KCNU1: variants seen among roughly 807,000 people sequenced by gnomAD.
The protein encoded by KCNU1 is potassium channel subfamily U member 1.
KCNU1 carries 93 observed loss-of-function variants against 126.8 expected under a neutral mutation model. That is an observed-to-expected ratio of 0.73 (90% CI 0.62 to 0.87). The LOEUF is 0.87. Among genes scored for constraint, KCNU1 ranks in the 40% least tolerant of loss-of-function variants. KCNU1 has a pLI of 0.00. For synonymous variants in KCNU1, 523 were observed against 494.2 expected (o/e 1.06, Z -0.77); for missense variants, 1,330 against 1,367.1 (o/e 0.97, Z 0.43).
At chr8:36,929,169 G>A (rs1808621878) in intron 24 of KCNU1, 2 of 533,892 alleles carry the variant, frequency 3.7e-6, no homozygotes, top group South Asian at 4.8e-5. Flanking sequence ...ATCTCTTGAG[G>A]TCAGGAGTTT....
At chr8:36,912,729 T>C (rs1334666807) in intron 22 of KCNU1, among the ~76,000 whole-genome samples, 1 of 151,938 alleles carries the variant, frequency 6.6e-6, no homozygotes, top group Non-Finnish European at 1.5e-5. Flanking sequence ...CCCAGCACTT[T>C]GGGAGGCCGA....
At chr8:36,788,371 G>T (rs1435643789) in intron 2 of KCNU1, among the ~76,000 whole-genome samples, 1 of 152,078 alleles carries the variant, frequency 6.6e-6, no homozygotes. Context: ...ATTTCCCATT[G>T]TCAGGAAATA....
intron 20 of KCNU1, among the ~76,000 whole-genome samples, chr8:36,908,972 A>C (rs1406339197): frequency 6.6e-6 from 1 of 152,200 alleles, no homozygotes; most frequent in Non-Finnish European, 1.5e-5. Context: ...AAGGCTAAAA[A>C]TGTGAAATAA....
intron 19 of KCNU1, among the ~76,000 whole-genome samples, chr8:36,892,546 A>AT (rs1807009545): frequency 7.7e-6 from 1 of 130,552 alleles, no homozygotes; most frequent in African/African-American, 2.9e-5. Context: ...GTGTCTCATA[A>AT]TTTTTTGTTG....
rs111355371 is a variant in KCNU1, at chr8:36,826,241, G to T, written c.1107-7313G>T. Reference sequence around the variant, plus strand: ...ATTTTATTTTTTGAGACAGGGTCTTGCTCTGTCACCCAGGCTGGAGCGCAG... The same window carrying T: ...ATTTTATTTTTTGAGACAGGGTCTTTCTCTGTCACCCAGGCTGGAGCGCAG... On this transcript the variant is annotated intron_variant, in intron 10 of 26. Transcript: ENST00000399881. Among the ~76,000 whole-genome samples, 344 of 151,368 alleles carry T rather than the reference G, an allele frequency of 2.3e-3. 11 individuals are homozygous for T. The highest frequency in any genetic ancestry group is 7.9e-3 in the African/African-American group (328 of 41,306).
intron 2 of KCNU1, among the ~76,000 whole-genome samples, chr8:36,802,108 C>CA (rs749026223): frequency 0.029 from 2,057 of 70,178 alleles, 80 homozygotes; most frequent in East Asian, 0.25. Flanking sequence ...AACTCCGTCT[C>CA]AAAAAAAAAA....
At chr8:36,787,476 G>A (rs375397817) in intron 2 of KCNU1, 51 bp downstream of exon 2, 3 of 1,543,558 alleles carry the variant, frequency 1.9e-6, no homozygotes, top group African/African-American at 2.7e-5. Flanking sequence ...CCATAGGTGT[G>A]ATTATAGTCA....
intron 2 of KCNU1, among the ~76,000 whole-genome samples, chr8:36,799,463 G>A (rs768992616): frequency 8.6e-5 from 13 of 150,920 alleles, no homozygotes; most frequent in Admixed American, 3.3e-4. Context: ...TTGGGAGGGG[G>A]GGCAGGGTAG....
rs1807597708 is a variant in KCNU1 at position 36,905,709 on chromosome 8, A to T, written c.2011A>T (p.Thr671Ser). The T allele has an allele frequency of 6.5e-7, 1 of 1,549,410 alleles. No homozygotes were observed. The highest frequency in any genetic ancestry group is 1.1e-5 in the South Asian group (1 of 89,834). ...TSSISNFTTR[T>S]LQHDVEQDSD... ...TAACTCTCCATTCTTCCTATTTAGG[A>T]CTCTTCAACATGATGTAGAACAAGA... Residue 671 changes from threonine to serine, a missense_variant and splice_region_variant, in exon 20 of 27, where the codon ACT becomes TCT. Around this residue, in one of 3 missense-constraint regions of KCNU1, gnomAD observed 1,054 missense variants for 1,053.9 expected, o/e 1.00. Transcript: ENST00000399881.
intron 10 of KCNU1, among the ~76,000 whole-genome samples, chr8:36,821,094 A>G (rs1036862962): frequency 6.6e-6 from 1 of 152,218 alleles, no homozygotes; most frequent in African/African-American, 2.4e-5. Flanking sequence ...AATGAAAAAA[A>G]GAAATGCTTC....
At position 36,820,356 on chromosome 8, in the gene KCNU1, C is replaced by G. The variant is rs572437071; in HGVS notation, c.1106+2596C>G. On this transcript the variant is annotated intron_variant, in intron 10 of 26. Transcript: ENST00000399881. The stretch of plus-strand genomic sequence containing the variant: ...CCAAAATGTGGCCTTTTCCTTGGAA[C>G]TGGTGGAGACAGAGGCCAGAAGAGT... 9.9e-5 allele frequency among the ~76,000 whole-genome samples: 15 copies of G among 152,094 alleles called. 1 individual carries two copies. Among genetic ancestry groups the G allele is most frequent in the African/African-American group, 3.4e-4 (14 of 41,420 alleles).
chr8:36,881,644 A>G (rs376957966), intron 19 of KCNU1, among the ~76,000 whole-genome samples: 89 of 152,326 alleles, frequency 5.8e-4, no homozygotes, highest in African/African-American at 2.1e-3. Flanking sequence ...ATAGAGGAAC[A>G]GAAAATAGAC....
intron 7 of KCNU1, among the ~76,000 whole-genome samples, chr8:36,812,953 TG>T (rs1270099941): frequency 1.1e-4 from 16 of 152,208 alleles, no homozygotes; most frequent in Non-Finnish European, 2.4e-4. Flanking sequence ...GGGATAATAT[TG>T]AATCCCTGTA....
intron 21 of KCNU1, 138 bp downstream of exon 21, chr8:36,909,673 T>C (rs1807788079): frequency 4.9e-6 from 3 of 611,428 alleles, no homozygotes; most frequent in Admixed American, 6.2e-5. Flanking sequence ...CCTATATTAA[T>C]TCACTTAATC....
At chr8:36,795,859 G>A (rs1803077577) in intron 2 of KCNU1, 1 of 152,200 alleles carries the variant, frequency 6.6e-6, no homozygotes, top group Non-Finnish European at 1.5e-5. Context: ...CTGTATTCAG[G>A]ACCAGAGTTT....
chr8:36,909,589 G>A (rs1807785133), intron 21 of KCNU1, 54 bp downstream of exon 21: 2 of 998,916 alleles, frequency 2.0e-6, no homozygotes, highest in Admixed American at 1.9e-5. Flanking sequence ...ATATTAATAG[G>A]ACTAGAATTA....
intron 22 of KCNU1, 51 bp downstream of exon 22, chr8:36,911,170 A>G: frequency 7.0e-7 from 1 of 1,418,862 alleles, no homozygotes; most frequent in Non-Finnish European, 9.7e-7. Flanking sequence ...GGAAAAAAAG[A>G]GATAATTAAC....
At chr8:36,902,078 G>C (rs567113497) in intron 19 of KCNU1, among the ~76,000 whole-genome samples, 22 of 152,250 alleles carry the variant, frequency 1.4e-4, no homozygotes, top group African/African-American at 5.1e-4. Context: ...CGGAGCTTTA[G>C]TTAAGGGATG....
chr8:36,912,912 G>T (rs1405082843), intron 22 of KCNU1, among the ~76,000 whole-genome samples: 3 of 124,172 alleles, frequency 2.4e-5, no homozygotes, highest in Non-Finnish European at 4.8e-5. Flanking sequence ...AAGCTGTAGT[G>T]AGCTAAGATC....
Sources: allele counts gnomAD v4.1 joint callset (sites outside exome capture counted in the v4.1 genomes callset), GRCh38; gene constraint gnomAD v4.1.1; regional missense constraint gnomAD v4.1.1; transcripts MANE v1.5; gene names NCBI Gene and HGNC (gene_info 2026-07-23, HGNC 2026-07-21).